Variants in SNX9 observed in about 807,000 individuals in gnomAD.
SNX9 encodes the protein sorting nexin 9.
Under a neutral mutation model 89.4 loss-of-function variants are expected in SNX9, and 44 were observed. The observed-to-expected ratio is 0.49, with a 90% CI of 0.39 to 0.63. SNX9 has a LOEUF of 0.63. Ranked by LOEUF, SNX9 falls within the 30% of genes least tolerant of loss-of-function variation. The probability of loss-of-function intolerance (pLI) is 0.00; values close to 1 mark genes in which losing one functional copy is unlikely to be tolerated. For synonymous variants in SNX9, 236 were observed against 247.8 expected (o/e 0.95, Z 0.45); for missense variants, 578 against 736.1 (o/e 0.79, Z 2.49).
At position 157,938,641 on chromosome 6, in the gene SNX9, A is replaced by G. The variant is rs779027697; in HGVS notation, c.1542A>G (p.Ile514Met). ...PDIIGTHKGA[I>M]EKVKESDKLV... ...CATTTTATATTTCACAGGGAGCAAT[A>G]GAAAAAGTGAAAGAAAGTGACAAAC... Residue 514 changes from isoleucine (I) to methionine (M), a missense_variant, in exon 16 of 18, where the codon ATA becomes ATG. Coordinates refer to ENST00000392185, the MANE Select transcript of SNX9 (RefSeq NM_016224.5). The G allele has an allele frequency of 3.7e-6, 6 of 1,611,114 alleles. No individual in the cohort carries two copies. The highest frequency in any genetic ancestry group is 1.1e-5 in the South Asian group (1 of 90,994).
intron 12 of SNX9, 52 bp from the exon 13 acceptor site, chr6:157,932,143 C>T (rs1783823626): frequency 3.4e-6 from 5 of 1,488,400 alleles, no homozygotes; most frequent in Non-Finnish European, 3.8e-6. Flanking sequence ...ATAGTTTAAT[C>T]CCATTTCAGT....
In SNX9 at chr6:157,841,679, G is replaced by T. The variant is rs117269092; in HGVS notation, c.12+18233G>T. 3.9e-3 allele frequency among the ~76,000 whole-genome samples: 594 copies of T among 152,248 alleles called. 2 individuals carry two copies. Among genetic ancestry groups the T allele is most frequent in the Non-Finnish European group, 6.0e-3 (408 of 68,022 alleles). ...CTGTATTAGTCATGTTGAGGAACTG[G>T]GAGGAGGTGTAGAACTGCACCCTCT... On this transcript the variant is annotated intron_variant, in intron 1 of 17. Coordinates refer to ENST00000392185, the MANE Select transcript of SNX9 (RefSeq NM_016224.5).
chr6:157,858,500 G>A (rs914658314), intron 1 of SNX9, among the ~76,000 whole-genome samples: 12 of 152,108 alleles, frequency 7.9e-5, no homozygotes, highest in Non-Finnish European at 1.0e-4. Flanking sequence ...GGGATTACAA[G>A]TGTGAGCCAC....
rs1309876341 is a variant in SNX9 at position 157,902,039 on chromosome 6, T to G, written c.614T>G (p.Leu205Arg). The stretch of plus-strand genomic sequence containing the variant: ...AGTTCCTCATCCATGAAAATTCCCC[T>G]TAACAAGTAAGTTTAAAGGGGAGCC... ...RASSSSMKIP[L>R]NKFPGFAKPG... The change falls in exon 6 of 18, where the codon CTT becomes CGT. Residue 205 changes from leucine to arginine, a missense_variant. Physicochemically the swap from Leu to Arg is moderately radical, Grantham distance 102. This residue lies in a region of SNX9 where 348 missense variants were observed against 491.4 expected (regional missense o/e 0.71). Transcript: ENST00000392185. The G allele has an allele frequency of 1.2e-6, 2 of 1,613,664 alleles. No individual in the cohort carries two copies. The highest frequency in any genetic ancestry group is 1.3e-5 in the African/African-American group (1 of 75,000).
chr6:157,939,401 G>A (rs1347975979), intron 16 of SNX9, among the ~76,000 whole-genome samples: 3 of 150,248 alleles, frequency 2.0e-5, no homozygotes, highest in Non-Finnish European at 4.4e-5. Flanking sequence ...CTTGATGCAG[G>A]CATTAAGAAG....
At chr6:157,865,350 A>AC (rs1445256641) in intron 1 of SNX9, among the ~76,000 whole-genome samples, 2 of 151,836 alleles carry the variant, frequency 1.3e-5, no homozygotes, top group Non-Finnish European at 2.9e-5. Context: ...GAAAAAAAAA[A>AC]AAAAAAAAAC....
chr6:157,932,133 A>G (rs376062475), intron 12 of SNX9, 62 bp from the exon 13 acceptor site: 3 of 1,436,274 alleles, frequency 2.1e-6, no homozygotes, highest in African/African-American at 2.8e-5. Flanking sequence ...CTTTTAGGAA[A>G]TAGTTTAATC....
At chr6:157,899,377 A>G (rs1018548327) in intron 5 of SNX9, among the ~76,000 whole-genome samples, 9 of 152,196 alleles carry the variant, frequency 5.9e-5, no homozygotes, top group Non-Finnish European at 1.3e-4. Flanking sequence ...TTGTAAATGT[A>G]TAAGACTAGA....
chr6:157,938,443 A>T (rs6455919), intron 15 of SNX9, among the ~76,000 whole-genome samples, 190 bp from the exon 16 acceptor site: 1 of 152,086 alleles, frequency 6.6e-6, no homozygotes, highest in Non-Finnish European at 1.5e-5. Context: ...ATTTGTCAAG[A>T]ATAGCAACCT....
intron 1 of SNX9, among the ~76,000 whole-genome samples, chr6:157,845,325 G>A (rs751045882): frequency 1.3e-5 from 2 of 151,908 alleles, no homozygotes; most frequent in Non-Finnish European, 2.9e-5. Context: ...TGGCCATGCT[G>A]TTCTCAAACT....
chr6:157,931,366 A>G (rs1783807773), intron 12 of SNX9, among the ~76,000 whole-genome samples: 1 of 152,258 alleles, frequency 6.6e-6, no homozygotes, highest in Admixed American at 6.5e-5. Flanking sequence ...TTAAAGAAAC[A>G]TTAAAAGTTT....
chr6:157,846,204 T>G (rs1250704248), intron 1 of SNX9, among the ~76,000 whole-genome samples: 1 of 152,278 alleles, frequency 6.6e-6, no homozygotes, highest in Non-Finnish European at 1.5e-5. Flanking sequence ...GATTCATTCT[T>G]CCATTTTTAT....
At chr6:157,928,105 A>G (rs1406287325) in intron 11 of SNX9, among the ~76,000 whole-genome samples, 1 of 152,136 alleles carries the variant, frequency 6.6e-6, no homozygotes, top group Non-Finnish European at 1.5e-5. Context: ...TGCTTTTTTC[A>G]TCTAACAGTA....
intron 1 of SNX9, among the ~76,000 whole-genome samples, chr6:157,866,390 A>G (rs1260269699): frequency 2.0e-5 from 3 of 152,196 alleles, no homozygotes; most frequent in Non-Finnish European, 4.4e-5. Context: ...CCTAGGCAAC[A>G]TGGTGAAACC....
At chr6:157,926,761 G>A (rs1045844676) in intron 10 of SNX9, among the ~76,000 whole-genome samples, 23 of 137,186 alleles carry the variant, frequency 1.7e-4, no homozygotes, top group Middle Eastern at 5.0e-3. Context: ...AGCCTAGAAG[G>A]CAAAGTGAGA....
rs1278998537 is a variant in SNX9 at position 157,928,719 on chromosome 6, C to T, written c.1288+17C>T. The T allele has an allele frequency of 1.9e-6, 3 of 1,565,890 alleles. No homozygotes were observed. Among genetic ancestry groups the T allele is most frequent in the Non-Finnish European group, 2.6e-6 (3 of 1,154,974 alleles). On this transcript the variant is annotated intron_variant, in intron 12 of 17. Coordinates refer to ENST00000392185, the MANE Select transcript of SNX9 (RefSeq NM_016224.5). Reference sequence around the variant, plus strand: ...GCACGGGCCGTAAGTCCACTCCTCACAGTGCACTGGGCTCGTAGGGGGTGA... The same window carrying T: ...GCACGGGCCGTAAGTCCACTCCTCATAGTGCACTGGGCTCGTAGGGGGTGA...
intron 1 of SNX9, among the ~76,000 whole-genome samples, chr6:157,825,344 C>T (rs1239599923): frequency 1.3e-5 from 2 of 152,174 alleles, no homozygotes; most frequent in African/African-American, 2.4e-5. Flanking sequence ...ACACTCTGGT[C>T]TACTGAGGCA....
At chr6:157,932,515 T>C (rs1014543063) in intron 13 of SNX9, among the ~76,000 whole-genome samples, 4 of 152,144 alleles carry the variant, frequency 2.6e-5, no homozygotes, top group Non-Finnish European at 5.9e-5. Context: ...CTCTCTGGTG[T>C]AGCGCTTTTG....
At chr6:157,845,105 CTTTTTTT>C (rs35257389) in intron 1 of SNX9, among the ~76,000 whole-genome samples, 6 of 124,808 alleles carry the variant, frequency 4.8e-5, no homozygotes, top group African/African-American at 1.8e-4. Context: ...TCCCATTTGT[CTTTTTTT>C]TTTTTTTTTT....
Sources: allele counts gnomAD v4.1 joint callset (sites outside exome capture counted in the v4.1 genomes callset), GRCh38; gene constraint gnomAD v4.1.1; regional missense constraint gnomAD v4.1.1; transcripts MANE v1.5; gene names NCBI Gene and HGNC (gene_info 2026-07-23, HGNC 2026-07-21).